BRD1: variants seen among roughly 807,000 people sequenced by gnomAD.
BRD1 encodes the protein bromodomain containing 1.
A neutral mutation model predicts 107.7 loss-of-function variants in BRD1; 24 were observed. The observed-to-expected ratio is 0.22, with a 90% CI of 0.16 to 0.31. The LOEUF (loss-of-function observed/expected upper bound fraction) is 0.31, where lower values mean the gene tolerates loss of function less well. Among genes scored for constraint, BRD1 ranks in the 10% least tolerant of loss-of-function variants. The pLI, the probability that BRD1 is intolerant of heterozygous loss-of-function variation, is 1.00. For synonymous variants in BRD1, 744 were observed against 686.1 expected (o/e 1.08, Z -1.32); for missense variants, 1,279 against 1,638.6 (o/e 0.78, Z 3.79).
intron 7 of BRD1, 134 bp from the exon 8 acceptor site, chr22:49,788,021 TC>T: frequency 1.1e-6 from 1 of 930,462 alleles, no homozygotes; most frequent in Admixed American, 3.1e-5. Context: ...TACTGTCTGC[TC>T]GGCAGTGTGG....
At chr22:49,826,360 C>G in intron 1 of BRD1, 3 of 736,404 alleles carry the variant, frequency 4.1e-6, no homozygotes, top group Non-Finnish European at 5.0e-6. Context: ...GGAAAGTAGG[C>G]CCTCAGCAGG....
chr22:49,797,188 G>A (rs1475847992), intron 6 of BRD1, among the ~76,000 whole-genome samples: 1 of 152,242 alleles, frequency 6.6e-6, no homozygotes, highest in Non-Finnish European at 1.5e-5. Flanking sequence ...GACTACACAT[G>A]GCTGCAACAC....
chr22:49,794,399 T>A lies in BRD1; in HGVS notation c.2099-105A>T, dbSNP rs939893916. On this transcript the variant is annotated intron_variant, in intron 6 of 12. Transcript: ENST00000404760. ...TCACCTTCGGCCAAGGCCCTGAGAG[T>A]GGCTGTTAGCAACGAGGCCCAGGCC... 4.1e-6 allele frequency: 6 copies of A among 1,460,416 alleles called. No individual in the cohort carries two copies. In the African/African-American group the frequency reaches 8.4e-5, roughly 21 times the overall value. 90.5% of individuals were successfully genotyped at this position (1,460,416 alleles called of 1,614,324 possible).
intron 6 of BRD1, among the ~76,000 whole-genome samples, chr22:49,796,585 C>T (rs545116826): frequency 1.3e-5 from 2 of 152,228 alleles, no homozygotes; most frequent in South Asian, 2.1e-4. Flanking sequence ...CTCAATCTCC[C>T]GACCTCAAGT....
Position 49,820,563 on chromosome 22 carries a change from G to T in BRD1, c.1367+2388C>A, listed in dbSNP as rs79145354. Reference sequence around the variant, plus strand: ...TGAGGCTACTGTAAGCCATGATCACGCCACTGCACTCCAACGTGGGCAACA... The same window carrying T: ...TGAGGCTACTGTAAGCCATGATCACTCCACTGCACTCCAACGTGGGCAACA... On this transcript the variant is annotated intron_variant, in intron 2 of 12. Coordinates refer to ENST00000404760, the MANE Select transcript of BRD1 (RefSeq NM_001304808.3). Among the ~76,000 whole-genome samples the T allele has an allele frequency of 2.6e-5, 4 of 152,140 alleles. No individual in the cohort carries two copies. The East Asian group carries it at 7.7e-4, about 29-fold the overall frequency.
chr22:49,777,885 C>T lies in BRD1; in HGVS notation c.2858-72G>A. 3.3e-6 allele frequency: 5 copies of T among 1,497,654 alleles called. No homozygotes were observed. In the South Asian group the frequency reaches 5.2e-5, roughly 16 times the overall value. The allele number at this position is 1,497,654 out of a possible 1,614,324, so 92.8% of individuals were successfully genotyped here. A position where few individuals can be genotyped will look rare whatever the true frequency, so the allele number is the denominator to read the frequency against. On this transcript the variant is annotated intron_variant, in intron 8 of 12. Coordinates refer to ENST00000404760, the MANE Select transcript of BRD1 (RefSeq NM_001304808.3). ...ACTGAAGCATGACTCAACGACGTTA[C>T]ACTTGGAACACATCTTACAAAGCAC...
chr22:49,810,363 T>C (rs534785826), intron 2 of BRD1, among the ~76,000 whole-genome samples: 20 of 152,206 alleles, frequency 1.3e-4, no homozygotes, highest in African/African-American at 3.1e-4. Context: ...TTAAAATATA[T>C]ATATATGTGC....
chr22:49,808,696 G>A (rs761190249), intron 2 of BRD1, among the ~76,000 whole-genome samples: 6 of 152,162 alleles, frequency 3.9e-5, no homozygotes, highest in Admixed American at 6.5e-5. Context: ...TTATGTGTAC[G>A]TGACCACAGT....
At position 49,775,732 on chromosome 22, in the gene BRD1, T is replaced by C. The variant is rs2059069673; in HGVS notation, c.3245A>G (p.Lys1082Arg). 1 of 1,603,890 alleles carries C rather than the reference T, an allele frequency of 6.2e-7. No homozygotes were observed. The highest frequency in any genetic ancestry group is 1.1e-5 in the South Asian group (1 of 89,906). ...PSYPALIIDP[K>R]MPRVPGHHNG... ...GTGGTGGCCAGGCACACGGGGCATCTTGGGGTCGATGATCTGCACGAGAAG... is the reference window on the plus strand; with the variant it reads ...GTGGTGGCCAGGCACACGGGGCATCCTGGGGTCGATGATCTGCACGAGAAG... Residue 1082 changes from lysine to arginine, a missense_variant, in exon 12 of 13, where the codon AAG becomes AGG. Physicochemically the swap from Lys to Arg is conservative, Grantham distance 26. Transcript: ENST00000404760.
At chr22:49,798,481 CACGTTTCCCGGT>C in intron 5 of BRD1, 65 bp downstream of exon 5, 1 of 1,610,492 alleles carries the variant, frequency 6.2e-7, no homozygotes, top group Non-Finnish European at 8.5e-7. Context: ...TAGCCAATCA[CACGTTTCCCGGT>C]CAAACGGCAG....
chr22:49,811,961 C>T (rs1388238460), intron 2 of BRD1, among the ~76,000 whole-genome samples: 1 of 152,136 alleles, frequency 6.6e-6, no homozygotes, highest in Non-Finnish European at 1.5e-5. Context: ...ATACTAAGAT[C>T]TATAGTATTA....
chr22:49,818,806 A>C (rs1260772652), intron 2 of BRD1, among the ~76,000 whole-genome samples: 23 of 152,164 alleles, frequency 1.5e-4, no homozygotes, highest in Admixed American at 1.5e-3. Context: ...GAATGGCGTG[A>C]ACCCGGGAGG....
At chr22:49,817,257 G>A (rs2059970741) in intron 2 of BRD1, 1 of 167,030 alleles carries the variant, frequency 6.0e-6, no homozygotes, top group Non-Finnish European at 1.3e-5. Flanking sequence ...TCTGGCAGAG[G>A]CCTTGGGGAG....
chr22:49,775,861 A>ACT, intron 11 of BRD1, 116 bp from the exon 12 acceptor site: 1 of 864,888 alleles, frequency 1.2e-6, no homozygotes, highest in Non-Finnish European at 1.4e-6. Context: ...TCCTCAGACC[A>ACT]CCCCCACGCC....
Position 49,799,052 on chromosome 22 carries a change from T to C in BRD1, c.1592A>G (p.Asp531Gly). The stretch of plus-strand genomic sequence containing the variant: ...GATCAGCAGGCGAGCGCGCTCCAGG[T>C]CGTGCCGCAGCCGCTGCCAGTACTT... The part of the protein sequence containing the change: ...KLKYWQRLRH[D>G]LERARLLIEL... The change falls in exon 4 of 13, where the codon GAC (aspartate) becomes GGC (glycine). Residue 531 changes from aspartate to glycine, a missense_variant. Physicochemically the swap from Asp to Gly is moderately conservative, Grantham distance 94 (BLOSUM62 -1). Transcript: ENST00000404760. 1 of 1,611,388 alleles carries C rather than the reference T, an allele frequency of 6.2e-7. No individual in the cohort carries two copies. Among genetic ancestry groups the C allele is most frequent in the Non-Finnish European group, 8.5e-7 (1 of 1,179,964 alleles).
chr22:49,778,440 T>A (rs2059142335), intron 8 of BRD1, among the ~76,000 whole-genome samples: 2 of 152,246 alleles, frequency 1.3e-5, no homozygotes, highest in South Asian at 2.1e-4. Context: ...CTGCAAGTAC[T>A]GTACACAGCT....
At chr22:49,797,024 A>G (rs1352044126) in intron 6 of BRD1, among the ~76,000 whole-genome samples, 1 of 152,268 alleles carries the variant, frequency 6.6e-6, no homozygotes, top group African/African-American at 2.4e-5. Flanking sequence ...TTTGTGGCTC[A>G]GAGCTGGAGC....
chr22:49,791,002 C>T (rs1216894433), intron 7 of BRD1, among the ~76,000 whole-genome samples: 1 of 152,278 alleles, frequency 6.6e-6, no homozygotes, highest in Admixed American at 6.5e-5. Flanking sequence ...CACCAGCTCA[C>T]GGTGCGGACC....
In BRD1 at chr22:49,794,036, T is replaced by C. The variant is rs1334281996; in HGVS notation, c.2357A>G (p.Glu786Gly). 1.2e-6 allele frequency: 2 copies of C among 1,610,946 alleles called. No individual in the cohort carries two copies. Among genetic ancestry groups the C allele is most frequent in the Non-Finnish European group, 1.7e-6 (2 of 1,178,320 alleles). The change falls in exon 7 of 13, where the codon GAA becomes GGA. Residue 786 changes from glutamate (E) to glycine (G), a missense_variant and splice_region_variant. Glu to Gly is a moderately conservative substitution (Grantham distance 98). Around this residue, in one of 7 missense-constraint regions of BRD1, gnomAD observed 406 missense variants for 519.4 expected, o/e 0.78. Coordinates refer to ENST00000404760, the MANE Select transcript of BRD1 (RefSeq NM_001304808.3). ...GGGCAGCCCTCACCGTGGCTTACCT[T>C]CCTCGCCCGCCTCCGGCCCCAGCGC... ...GAALGPEAGE[E>G]GDKSPPKLEP...
Sources: gnomAD v4.1 joint callset for allele counts (sites outside exome capture counted in the v4.1 genomes callset) on GRCh38, gnomAD v4.1.1 for gene constraint, gnomAD v4.1.1 regional missense constraint, MANE v1.5 for transcripts, NCBI Gene and HGNC (gene_info 2026-07-23, HGNC 2026-07-21) for gene names.